Variants in SLC11A2 observed in about 807,000 individuals in gnomAD.
The protein encoded by SLC11A2 is natural resistance-associated macrophage protein 2.
A neutral mutation model predicts 68.0 loss-of-function variants in SLC11A2; 38 were observed. That is an observed-to-expected ratio of 0.56 (90% CI 0.43 to 0.73). The LOEUF is 0.73. Ranked by LOEUF, SLC11A2 falls within the 30% of genes least tolerant of loss-of-function variation. SLC11A2 has a pLI of 0.00. For missense variants in SLC11A2, 517 were observed against 690.5 expected (o/e 0.75, Z 2.82); for synonymous variants, 242 against 250.6 (o/e 0.97, Z 0.32).
intron 5 of SLC11A2, among the ~76,000 whole-genome samples, chr12:51,001,544 CCTTT>C (rs1403769238): frequency 6.7e-6 from 1 of 148,926 alleles, no homozygotes; most frequent in Non-Finnish European, 1.5e-5. Flanking sequence ...TACGGAATAG[CCTTT>C]CTTTATTCCT....
intron 1 of SLC11A2, among the ~76,000 whole-genome samples, chr12:51,011,448 A>C (rs1384902422): frequency 6.6e-6 from 1 of 151,250 alleles, no homozygotes; most frequent in African/African-American, 2.4e-5. Context: ...TTTTTTAATA[A>C]GCATCTACAC....
At chr12:50,995,814 T>C in intron 9 of SLC11A2, 27 bp from the exon 10 acceptor site, 1 of 1,610,614 alleles carries the variant, frequency 6.2e-7, no homozygotes, top group Non-Finnish European at 8.5e-7. Flanking sequence ...AGCAGTCACT[T>C]TTTGACCAGT....
intron 1 of SLC11A2, among the ~76,000 whole-genome samples, chr12:51,013,654 T>C (rs928789416): frequency 1.3e-5 from 2 of 151,758 alleles, no homozygotes; most frequent in African/African-American, 4.8e-5. Context: ...CTAGGAGAAC[T>C]GCTTGAGCCC....
upstream of SLC11A2, chr12:51,028,102 A>G: frequency 1.1e-6 from 1 of 948,050 alleles, no homozygotes; most frequent in Non-Finnish European, 1.5e-6. Context: ...TTATAACTAG[A>G]AAATAAAATT....
In SLC11A2 at chr12:51,026,356, C is replaced by A. The variant is rs768300267; in HGVS notation, c.-85G>T. The A allele has an allele frequency of 9.4e-6, 12 of 1,282,276 alleles. No homozygotes were observed. Among genetic ancestry groups the A allele is most frequent in the African/African-American group, 7.6e-5 (5 of 65,640 alleles). 79.4% of individuals were successfully genotyped at this position (1,282,276 alleles called of 1,614,324 possible). On this transcript the variant is annotated 5_prime_UTR_variant, in exon 1 of 16. Coordinates refer to ENST00000262052, the MANE Select transcript of SLC11A2 (RefSeq NM_000617.3). ...TGACACGCCGCCCCCGCGCCCAGGGCTCCATATTCCGGGAGCCAGCGCCAC... is the reference window on the plus strand; with the variant it reads ...TGACACGCCGCCCCCGCGCCCAGGGATCCATATTCCGGGAGCCAGCGCCAC...
At chr12:51,005,689 A>G in intron 3 of SLC11A2, 6 of 1,325,656 alleles carry the variant, frequency 4.5e-6, no homozygotes, top group Non-Finnish European at 5.9e-6. Context: ...TAAAACCAGA[A>G]TAACAGTATC....
chr12:50,963,123 A>G, the SLC11A2 span, among the ~76,000 whole-genome samples: 1 of 151,932 alleles, frequency 6.6e-6, no homozygotes, highest in African/African-American at 2.4e-5. Context: ...TAATCCCAGC[A>G]CTTTGGGAGG....
downstream of SLC11A2, among the ~76,000 whole-genome samples, chr12:50,976,449 A>C (rs1592279025): frequency 1.3e-5 from 2 of 152,248 alleles, no homozygotes; most frequent in South Asian, 2.1e-4. Flanking sequence ...ATAGCCCTTC[A>C]TGCTAAAAAC....
chr12:51,023,041 T>C (rs541747989), intron 1 of SLC11A2, among the ~76,000 whole-genome samples: 3 of 152,398 alleles, frequency 2.0e-5, no homozygotes, highest in African/African-American at 7.2e-5. Flanking sequence ...TATATACATG[T>C]CATTTTATTG....
chr12:51,005,816 G>C, intron 3 of SLC11A2: 1 of 546,724 alleles, frequency 1.8e-6, no homozygotes, highest in Non-Finnish European at 2.9e-6. Context: ...TTGGGACACT[G>C]AGGAGAGCAA....
At chr12:50,974,826 C>G (rs985959973), downstream of SLC11A2, among the ~76,000 whole-genome samples, 2 of 151,830 alleles carry the variant, frequency 1.3e-5, no homozygotes, top group African/African-American at 2.4e-5. Flanking sequence ...CAAAAAGAGG[C>G]AGGGGTTGCA....
chr12:50,987,491 C>G lies in SLC11A2; in HGVS notation c.*834G>C. 7.8e-7 allele frequency: 1 copy of G among 1,287,202 alleles called. No homozygotes were observed. Among genetic ancestry groups the G allele is most frequent in the Non-Finnish European group, 1.0e-6 (1 of 988,684 alleles). 79.7% of individuals were successfully genotyped at this position (1,287,202 alleles called of 1,614,324 possible). On this transcript the variant is annotated 3_prime_UTR_variant, in exon 16 of 16. Coordinates refer to ENST00000262052, the MANE Select transcript of SLC11A2 (RefSeq NM_000617.3). Reference sequence around the variant, plus strand: ...AGTTCATAAATACTACCATCTGTTTCTATCACCACCCTCCTGGAGAAAGAA... The same window carrying G: ...AGTTCATAAATACTACCATCTGTTTGTATCACCACCCTCCTGGAGAAAGAA...
chr12:50,968,019 C>G, the SLC11A2 span, among the ~76,000 whole-genome samples: 1 of 151,906 alleles, frequency 6.6e-6, no homozygotes, highest in Non-Finnish European at 1.5e-5. Context: ...CCCAGGAGGT[C>G]GAGGCTGCAT....
At position 50,987,982 on chromosome 12, in the gene SLC11A2, T is replaced by A; in HGVS notation, c.*343A>T. On this transcript the variant is annotated 3_prime_UTR_variant, in exon 16 of 16. Coordinates refer to ENST00000262052, the MANE Select transcript of SLC11A2 (RefSeq NM_000617.3). ...AAAAAATGTATTGCATTTTCCAATT[T>A]TTTTTTAACATATAGCCTGGTTAAG... 1 of 1,305,596 alleles carries A rather than the reference T, an allele frequency of 7.7e-7. No homozygotes were observed. Among genetic ancestry groups the A allele is most frequent in the South Asian group, 1.2e-5 (1 of 80,904 alleles). 80.9% of individuals were successfully genotyped at this position (1,305,596 alleles called of 1,614,324 possible).
chr12:51,013,688 A>C (rs548052356), intron 1 of SLC11A2, among the ~76,000 whole-genome samples: 11 of 151,960 alleles, frequency 7.2e-5, no homozygotes, highest in Non-Finnish European at 5.9e-5. Flanking sequence ...GCGGTGAGCC[A>C]TGATCGCACC....
At chr12:50,959,681 T>G in the SLC11A2 span, among the ~76,000 whole-genome samples, 1 of 152,172 alleles carries the variant, frequency 6.6e-6, no homozygotes, top group Non-Finnish European at 1.5e-5. Context: ...AAAGTCTTGC[T>G]CTGTCACCCA....
chr12:51,018,978 CAATAAAATCAAAGACAACATTA>C (rs1247801849), intron 1 of SLC11A2, among the ~76,000 whole-genome samples: 1 of 151,970 alleles, frequency 6.6e-6, no homozygotes, highest in Non-Finnish European at 1.5e-5. Flanking sequence ...TTCCTCATCT[CAATAAAATCAAAGACAACATTA>C]AATAGGAAAA....
intron 1 of SLC11A2, chr12:51,025,991 G>A (rs1004959805): frequency 1.2e-5 from 12 of 1,016,302 alleles, no homozygotes; most frequent in African/African-American, 1.7e-5. Flanking sequence ...GACACAGGCC[G>A]GGCGCGCCAT....
At position 50,987,603 on chromosome 12, in the gene SLC11A2, G is replaced by T. The variant is rs1940722177; in HGVS notation, c.*722C>A. The T allele has an allele frequency of 7.8e-7, 1 of 1,287,052 alleles. No homozygotes were observed. Among genetic ancestry groups the T allele is most frequent in the South Asian group, 1.2e-5 (1 of 80,932 alleles). The allele number at this position is 1,287,052 out of a possible 1,614,324, so 79.7% of individuals were successfully genotyped here. Reference sequence around the variant, plus strand: ...ACAGGCAGGTTATTAAGACTCCCAAGAAATCCTCATAAGCTTTTCAATCTG... The same window carrying T: ...ACAGGCAGGTTATTAAGACTCCCAATAAATCCTCATAAGCTTTTCAATCTG... On this transcript the variant is annotated 3_prime_UTR_variant, in exon 16 of 16. Coordinates refer to ENST00000262052, the MANE Select transcript of SLC11A2 (RefSeq NM_000617.3).
Sources: allele counts gnomAD v4.1 joint callset (sites outside exome capture counted in the v4.1 genomes callset), GRCh38; gene constraint gnomAD v4.1.1; transcripts MANE v1.5; gene names NCBI Gene and HGNC (gene_info 2026-07-23, HGNC 2026-07-21).